Variants in SPTBN5 observed in about 807,000 individuals in gnomAD.
SPTBN5 encodes the protein spectrin beta chain, non-erythrocytic 5.
SPTBN5 carries 513 observed loss-of-function variants against 477.6 expected under a neutral mutation model. The observed-to-expected ratio is 1.07, with a 90% CI of 1.00 to 1.16. SPTBN5 has a LOEUF of 1.16. Among genes scored for constraint, SPTBN5 ranks in the 50% most tolerant of loss-of-function variants. The probability of loss-of-function intolerance (pLI) is 0.00; values close to 1 mark genes in which losing one functional copy is unlikely to be tolerated. For synonymous variants in SPTBN5, 2,169 were observed against 2,011.7 expected (o/e 1.08, Z -2.09); for missense variants, 5,062 against 4,731.8 (o/e 1.07, Z -2.05).
chr15:41,861,989 G>A, intron 44 of SPTBN5, 66 bp from the exon 45 acceptor site: 1 of 1,548,028 alleles, frequency 6.5e-7, no homozygotes, highest in Non-Finnish European at 8.7e-7. Context: ...AGAGAGGTGG[G>A]GAAGCAGCTG....
intron 66 of SPTBN5, 115 bp downstream of exon 66, chr15:41,850,739 G>T: frequency 1.1e-6 from 1 of 884,856 alleles, no homozygotes. Context: ...CCACTTCTTG[G>T]AGGTTAGAGA....
rs143310268 is a variant in SPTBN5 at position 41,882,816 on chromosome 15, A to G, written c.1893-78T>C. ...AGTGGGTTCCCCTCCGGGTTTAGAC[A>G]CTCCCCTTAGACAGGATTTTTCTTT... On this transcript the variant is annotated intron_variant, in intron 9 of 67. Coordinates refer to ENST00000320955, the MANE Select transcript of SPTBN5 (RefSeq NM_016642.4). The G allele has an allele frequency of 4.2e-4, 639 of 1,511,250 alleles. 2 individuals are homozygous for G. The African/African-American group carries it at 6.7e-3, about 16-fold the overall frequency. 93.6% of individuals were successfully genotyped at this position (1,511,250 alleles called of 1,614,324 possible). A position where few individuals can be genotyped will look rare whatever the true frequency, so the allele number is the denominator to read the frequency against.
In SPTBN5 at chr15:41,871,388, G is replaced by T; in HGVS notation, c.5434C>A (p.Gln1812Lys). The T allele has an allele frequency of 6.8e-7, 1 of 1,464,458 alleles. No homozygotes were observed. The highest frequency in any genetic ancestry group is 9.0e-7 in the Non-Finnish European group (1 of 1,105,076). 90.7% of individuals were successfully genotyped at this position (1,464,458 alleles called of 1,614,324 possible). A position where few individuals can be genotyped will look rare whatever the true frequency, so the allele number is the denominator to read the frequency against. ...HSAGPMVRQR[Q>K]QDLQTAWSEL... ...TTGGGCACTCACTGCAGATCCTGCTGCCTCTGACGGACCATGGGGCCAGCA... is the reference window on the plus strand; with the variant it reads ...TTGGGCACTCACTGCAGATCCTGCTTCCTCTGACGGACCATGGGGCCAGCA... The change falls in exon 29 of 68, where the codon CAG becomes AAG. Residue 1812 changes from glutamine to lysine, a missense_variant. Gln to Lys is a moderately conservative substitution (Grantham distance 53, BLOSUM62 1). Coordinates refer to ENST00000320955, the MANE Select transcript of SPTBN5 (RefSeq NM_016642.4).
At chr15:41,854,243 T>C in intron 56 of SPTBN5, 38 bp from the exon 57 acceptor site, 2 of 1,563,128 alleles carry the variant, frequency 1.3e-6, no homozygotes, top group Non-Finnish European at 1.7e-6. Flanking sequence ...GGCTGTTCTC[T>C]GCTCCCAGGA....
At chr15:41,858,503 G>T in intron 49 of SPTBN5, 99 bp downstream of exon 49, 3 of 1,403,350 alleles carry the variant, frequency 2.1e-6, no homozygotes, top group Non-Finnish European at 2.9e-6. Context: ...ACTGGATAAC[G>T]CTGGCCACCG....
intron 52 of SPTBN5, 39 bp downstream of exon 52, chr15:41,856,814 C>G (rs1409353637): frequency 7.9e-6 from 12 of 1,520,250 alleles, no homozygotes; most frequent in Admixed American, 4.0e-5. Flanking sequence ...AGAAGCCCTG[C>G]TCATGTGCGA....
intron 39 of SPTBN5, among the ~76,000 whole-genome samples, chr15:41,865,263 G>A (rs1003697111): frequency 5.3e-5 from 8 of 152,276 alleles, no homozygotes; most frequent in South Asian, 2.1e-4. Flanking sequence ...ACGCTGAGAC[G>A]CTGAAATAGT....
At chr15:41,871,635 C>T (rs1210178439) in intron 28 of SPTBN5, 115 bp from the exon 29 acceptor site, 13 of 1,411,562 alleles carry the variant, frequency 9.2e-6, no homozygotes, top group Admixed American at 5.9e-5. Flanking sequence ...ATAGCCACGG[C>T]GTCTGCCCGC....
rs1340619108 is a variant in SPTBN5 at position 41,862,291 on chromosome 15, T to C, written c.7387A>G (p.Arg2463Gly). Residue 2463 changes from arginine to glycine, a missense_variant and splice_region_variant, in exon 44 of 68, where the codon AGG (arginine) becomes GGG (glycine). Transcript: ENST00000320955. ...WQLRSRAQKR[R>G]EALDALHQAQ... ...TGGTGCAAGGCATCCAGCGCCTCCC[T>C]CCTGCCCACAGCGCTCATCAGCTAG... 1 of 1,596,984 alleles carries C rather than the reference T, an allele frequency of 6.3e-7. No individual in the cohort carries two copies. Among genetic ancestry groups the C allele is most frequent in the East Asian group, 2.2e-5 (1 of 44,608 alleles).
chr15:41,879,943 G>A, intron 14 of SPTBN5, 79 bp from the exon 15 acceptor site: 1 of 1,570,350 alleles, frequency 6.4e-7, no homozygotes, highest in Non-Finnish European at 8.7e-7. Flanking sequence ...ACGGACCTGA[G>A]TGGTGCTCTC....
chr15:41,852,778 GGGC>G (rs752137424), intron 60 of SPTBN5, 43 bp from the exon 61 acceptor site: 6 of 1,608,150 alleles, frequency 3.7e-6, no homozygotes, highest in Non-Finnish European at 3.4e-6. Context: ...TTGGGGGGGG[GGGC>G]CCAGAGCCTG....
intron 60 of SPTBN5, 34 bp from the exon 61 acceptor site, chr15:41,852,769 T>TGTG: frequency 3.1e-6 from 4 of 1,272,804 alleles, no homozygotes; most frequent in Non-Finnish European, 4.4e-6. Context: ...ACGCCCAGCT[T>TGTG]GGGGGGGGGG....
chr15:41,864,056 A>AC (rs2066214564), intron 39 of SPTBN5, 32 bp from the exon 40 acceptor site: 2 of 1,563,270 alleles, frequency 1.3e-6, no homozygotes. Flanking sequence ...GGGCATTGGC[A>AC]CCCCCCATGC....
At position 41,855,691 on chromosome 15, in the gene SPTBN5, C is replaced by T. The variant is rs765404462; in HGVS notation, c.9076G>A (p.Asp3026Asn). ...AERGHVLDSE[D>N]MGHSAEATQA... ...GTGGCTTCAGCACTGTGGCCCATGT[C>T]CTCGCTGTCCAGGACATGGCCCCGC... The change falls in exon 54 of 68, where the codon GAC (aspartate) becomes AAC (asparagine). Residue 3026 changes from aspartate (D) to asparagine (N), a missense_variant. By Grantham distance (23) the Asp-to-Asn change is conservative (BLOSUM62 1). Transcript: ENST00000320955. 6.2e-7 allele frequency: 1 copy of T among 1,602,010 alleles called. No homozygotes were observed. Among genetic ancestry groups the T allele is most frequent in the East Asian group, 2.2e-5 (1 of 44,484 alleles).
intron 44 of SPTBN5, 21 bp from the exon 45 acceptor site, chr15:41,861,944 G>T (rs1316168997): frequency 6.3e-7 from 1 of 1,587,920 alleles, no homozygotes; most frequent in Non-Finnish European, 8.5e-7. Flanking sequence ...ACTGGGCTCA[G>T]ATCACTGGGG....
chr15:41,861,663 C>T (rs530582894), intron 45 of SPTBN5, 72 bp downstream of exon 45: 1 of 1,504,364 alleles, frequency 6.6e-7, no homozygotes, highest in South Asian at 1.3e-5. Flanking sequence ...TAGCCTTGAC[C>T]AGAGGCTGTG....
intron 9 of SPTBN5, 127 bp downstream of exon 9, chr15:41,882,869 G>T: frequency 7.2e-7 from 1 of 1,379,430 alleles, no homozygotes; most frequent in Non-Finnish European, 9.8e-7. Flanking sequence ...AGGTGAGACG[G>T]AGGCTTTGGA....
Position 41,866,683 on chromosome 15 carries a change from G to A in SPTBN5, c.6481-190C>T, listed in dbSNP as rs368980180. ...GGCAGCCGGGCAGGGCCTTGGGTGG[G>A]CTCTCGTTTTGGAGGTGTGGCCCCT... On this transcript the variant is annotated intron_variant, in intron 36 of 67. Coordinates refer to ENST00000320955, the MANE Select transcript of SPTBN5 (RefSeq NM_016642.4). 12 of 777,934 alleles carry A rather than the reference G, an allele frequency of 1.5e-5. No individual in the cohort carries two copies. The South Asian group carries it at 1.8e-4, about 12-fold the overall frequency. The allele number at this position is 777,934 out of a possible 1,614,324, so 48.2% of individuals were successfully genotyped here. A position where few individuals can be genotyped will look rare whatever the true frequency, so the allele number is the denominator to read the frequency against.
intron 7 of SPTBN5, 68 bp downstream of exon 7, chr15:41,885,667 T>C (rs2067123199): frequency 1.3e-6 from 2 of 1,490,762 alleles, no homozygotes; most frequent in Non-Finnish European, 1.8e-6. Context: ...GCACATGACA[T>C]GGAAGGATGG....
Sources: gnomAD v4.1 joint callset for allele counts (sites outside exome capture counted in the v4.1 genomes callset) on GRCh38, gnomAD v4.1.1 for gene constraint, MANE v1.5 for transcripts, NCBI Gene and HGNC (gene_info 2026-07-23, HGNC 2026-07-21) for gene names.